SLC3A1: variants seen among roughly 807,000 people sequenced by gnomAD.
SLC3A1 encodes the protein amino acid transporter heavy chain SLC3A1.
SLC3A1 carries 78 observed loss-of-function variants against 60.3 expected under a neutral mutation model. The ratio of observed to expected loss-of-function variants is 1.29; its 90% CI spans 1.08 to 1.56. SLC3A1 has a LOEUF of 1.56. Ranked by LOEUF, SLC3A1 falls within the 40% of genes most tolerant of loss-of-function variation. The pLI, the probability that SLC3A1 is intolerant of heterozygous loss-of-function variation, is 0.00. For missense variants in SLC3A1, 1,172 were observed against 858.9 expected, an observed-to-expected ratio of 1.36 and a Z score of -4.56; for synonymous variants, 392 against 307.9, an observed-to-expected ratio of 1.27 and a Z score of -2.86.
chr2:44,320,608 G>A lies in SLC3A1; in HGVS notation c.2027G>A (p.Ser676Asn), dbSNP rs750128585. 38 of 1,613,830 alleles carry A rather than the reference G, an allele frequency of 2.4e-5. No homozygotes were observed. In the Middle Eastern group the frequency reaches 4.9e-4, roughly 21 times the overall value. Residue 676 changes from serine to asparagine, a missense_variant, in exon 10 of 10, where the codon AGT (serine) becomes AAT (asparagine). Transcript: ENST00000260649. ...CFVSNRACYS[S>N]VLNILYTSC ...GTTTCCAATCGAGCATGCTATTCCAGTGTACTGAACATACTGTATACCTCG... is the reference window on the plus strand; with the variant it reads ...GTTTCCAATCGAGCATGCTATTCCAATGTACTGAACATACTGTATACCTCG...
rs759380211 is a variant in SLC3A1 at position 44,300,996 on chromosome 2, T to G, written c.1012-7T>G. On this transcript the variant is annotated splice_region_variant and splice_polypyrimidine_tract_variant and intron_variant, in intron 5 of 9. Coordinates refer to ENST00000260649, the MANE Select transcript of SLC3A1 (RefSeq NM_000341.4). ...TGAGGGTAACCATGTCGTCCTGGTT[T>G]TCAAAGGACACGGTCACACAATACT... 3 of 1,613,836 alleles carry G rather than the reference T, an allele frequency of 1.9e-6. No homozygotes were observed. Among genetic ancestry groups the G allele is most frequent in the South Asian group, 2.2e-5 (2 of 91,064 alleles).
chr2:44,280,670 C>G, intron 1 of SLC3A1, 46 bp from the exon 2 acceptor site: 1 of 1,389,762 alleles, frequency 7.2e-7, no homozygotes, highest in Non-Finnish European at 1.0e-6. Context: ...TGTCCTTTAA[C>G]TAAAACAAAG....
In SLC3A1 at chr2:44,312,754, G is replaced by C. The variant is rs886042834; in HGVS notation, c.1500+1G>C. Reference sequence around the variant, plus strand: ...AAATCTCAATGAAAGCTATGATATTGTAAGTTGAATACAACTTGACTATTC... The same window carrying C: ...AAATCTCAATGAAAGCTATGATATTCTAAGTTGAATACAACTTGACTATTC... On this transcript the variant is annotated splice_donor_variant, in intron 8 of 9. Coordinates refer to ENST00000260649, the MANE Select transcript of SLC3A1 (RefSeq NM_000341.4). LOFTEE classifies it high-confidence loss of function. 6.2e-7 allele frequency: 1 copy of C among 1,605,102 alleles called. No individual in the cohort carries two copies. Among genetic ancestry groups the C allele is most frequent in the Non-Finnish European group, 8.5e-7 (1 of 1,178,022 alleles).
intron 7 of SLC3A1, 87 bp downstream of exon 7, chr2:44,304,425 C>G (rs1367508024): frequency 1.2e-5 from 12 of 1,008,574 alleles, no homozygotes; most frequent in Non-Finnish European, 1.6e-5. Context: ...ACCTTTGTCT[C>G]TAAGTGACCA....
At chr2:44,292,152 G>A (rs963484470) in intron 4 of SLC3A1, among the ~76,000 whole-genome samples, 3 of 152,062 alleles carry the variant, frequency 2.0e-5, no homozygotes, top group Non-Finnish European at 2.9e-5. Context: ...GCCTGGCCTC[G>A]TATCTGGGGT....
chr2:44,308,011 A>C (rs1336332370), intron 7 of SLC3A1, among the ~76,000 whole-genome samples: 1 of 152,156 alleles, frequency 6.6e-6, no homozygotes, highest in African/African-American at 2.4e-5. Flanking sequence ...GTGGTGGCTC[A>C]CATCTGAAAT....
chr2:44,288,217 G>A (rs1671661312), intron 4 of SLC3A1, among the ~76,000 whole-genome samples: 1 of 151,920 alleles, frequency 6.6e-6, no homozygotes, highest in Admixed American at 6.6e-5. Flanking sequence ...GTAGAGACAG[G>A]GTTTTGCCAT....
intron 6 of SLC3A1, 53 bp downstream of exon 6, chr2:44,301,180 A>G (rs1191659654): frequency 1.9e-6 from 3 of 1,608,622 alleles, no homozygotes; most frequent in East Asian, 2.2e-5. Flanking sequence ...TGTGATCTGC[A>G]GTGTATCCCT....
At position 44,275,751 on chromosome 2, in the gene SLC3A1, G is replaced by C; in HGVS notation, c.216G>C (p.Val72=). ...VQPYAGMPKE[V]LFQFSGQARY... is the part of the protein sequence containing the mutation. ...CCTATGCGGGGATGCCCAAGGAGGT[G>C]CTGTTCCAGTTCTCTGGCCAGGCCC... Residue 72 remains valine, a synonymous_variant, in exon 1 of 10, where the codon GTG becomes GTC. Coordinates refer to ENST00000260649, the MANE Select transcript of SLC3A1 (RefSeq NM_000341.4). 6.2e-7 allele frequency: 1 copy of C among 1,614,262 alleles called. No homozygotes were observed.
rs267599386 is a variant in SLC3A1 at position 44,320,502 on chromosome 2, G to A, written c.1921G>A (p.Asp641Asn). 6.8e-6 allele frequency: 11 copies of A among 1,614,122 alleles called. 1 individual carries two copies. The highest frequency in any genetic ancestry group is 3.3e-4 in the Middle Eastern group (2 of 6,060). ...AGTTGATACAAGTGGCATTTTTCTG[G>A]ACAAGGGAGAGGGACTCATCTTTGA... is the stretch of plus-strand genomic sequence containing the variant. ...SKVDTSGIFL[D>N]KGEGLIFEHN... Residue 641 changes from aspartate (D) to asparagine (N), a missense_variant, in exon 10 of 10, where the codon GAC becomes AAC. Transcript: ENST00000260649.
At chr2:44,312,510 A>T in intron 7 of SLC3A1, 76 bp from the exon 8 acceptor site, 1 of 1,521,442 alleles carries the variant, frequency 6.6e-7, no homozygotes, top group Non-Finnish European at 9.1e-7. Context: ...CTACGTTGTG[A>T]ACTTTCTGTG....
At chr2:44,280,606 G>A (rs1240135109) in intron 1 of SLC3A1, 110 bp from the exon 2 acceptor site, 2 of 753,936 alleles carry the variant, frequency 2.7e-6, no homozygotes, top group Non-Finnish European at 4.5e-6. Context: ...AAAATTCTAA[G>A]TATTTTTGCC....
rs748266361 is a variant in SLC3A1 at position 44,280,701 on chromosome 2, G to T, written c.431-15G>T. The stretch of plus-strand genomic sequence containing the variant: ...CAAAGTAGGGTTTATTCATGACTTT[G>T]ACTTTTTTCTTCAGGTATTCAAGAT... On this transcript the variant is annotated splice_polypyrimidine_tract_variant and intron_variant, in intron 1 of 9. Transcript: ENST00000260649. The T allele has an allele frequency of 1.1e-5, 17 of 1,585,622 alleles. No individual in the cohort carries two copies. The highest frequency in any genetic ancestry group is 1.7e-4 in the Middle Eastern group (1 of 5,816).
At chr2:44,319,200 A>T (rs1672705580) in intron 9 of SLC3A1, 1 of 152,662 alleles carries the variant, frequency 6.6e-6, no homozygotes, top group Non-Finnish European at 1.5e-5. Flanking sequence ...ACCCCTAAAG[A>T]ACAATAACAA....
intron 6 of SLC3A1, 73 bp downstream of exon 6, chr2:44,301,200 G>C (rs760244923): frequency 6.3e-7 from 1 of 1,584,398 alleles, no homozygotes; most frequent in South Asian, 1.1e-5. Flanking sequence ...TCACAACCAA[G>C]TGTATTTGGA....
rs1468353870 is a variant in SLC3A1, at chr2:44,280,897, T to A, written c.610+2T>A. On this transcript the variant is annotated splice_donor_variant, in intron 2 of 9. Transcript: ENST00000260649. LOFTEE classifies it high-confidence loss of function. ...TGGTTGCAGCCATACATGATAAAGG[T>A]AAGTTGAATGGAAAGTGGGCAAGAT... 6.2e-7 allele frequency: 1 copy of A among 1,613,814 alleles called. No individual in the cohort carries two copies. Among genetic ancestry groups the A allele is most frequent in the Admixed American group, 1.7e-5 (1 of 60,020 alleles).
intron 9 of SLC3A1, chr2:44,317,512 A>C (rs1245392254): frequency 6.6e-6 from 1 of 151,996 alleles, no homozygotes; most frequent in African/African-American, 2.4e-5. Context: ...TCAAGTGCTC[A>C]TTAGCTGCCA....
chr2:44,284,220 C>A (rs1671561040), intron 3 of SLC3A1, among the ~76,000 whole-genome samples: 2 of 152,124 alleles, frequency 1.3e-5, no homozygotes, highest in Non-Finnish European at 1.5e-5. Context: ...GCTGGAACTA[C>A]AGGCACCCAT....
intron 4 of SLC3A1, among the ~76,000 whole-genome samples, chr2:44,299,031 CTTTTTTTTTTTTT>C (rs3074475): frequency 8.0e-6 from 1 of 124,372 alleles, no homozygotes; most frequent in Non-Finnish European, 1.7e-5. Flanking sequence ...ATGTAGATTC[CTTTTTTTTTTTTT>C]TTTTTTTTTA....
Sources: allele counts gnomAD v4.1 joint callset (sites outside exome capture counted in the v4.1 genomes callset), GRCh38; gene constraint gnomAD v4.1.1; transcripts MANE v1.5; gene names NCBI Gene and HGNC (gene_info 2026-07-23, HGNC 2026-07-21).